Variants in ABCB5 observed in about 807,000 individuals in gnomAD.
ABCB5 encodes the protein ATP-binding cassette sub-family B member 5.
Under a neutral mutation model 144.2 loss-of-function variants are expected in ABCB5, and 155 were observed. The ratio of observed to expected loss-of-function variants is 1.08; its 90% CI spans 0.94 to 1.23. ABCB5 has a LOEUF of 1.23. ABCB5 is among the 50% of genes most tolerant of loss of function. ABCB5 has a pLI of 0.00. For synonymous variants in ABCB5, 610 were observed against 528.6 expected, an observed-to-expected ratio of 1.15 and a Z score of -2.11; for missense variants, 1,830 against 1,520.8, an observed-to-expected ratio of 1.20 and a Z score of -3.38.
At chr7:20,667,695 GCCCC>G (rs1785245957) in intron 14 of ABCB5, 2 of 125,582 alleles carry the variant, frequency 1.6e-5, no homozygotes, top group Non-Finnish European at 3.1e-5. Context: ...CCCTGCCCCT[GCCCC>G]TGCCCCTGCC....
Position 20,739,046 on chromosome 7 carries a change from A to G in ABCB5, c.2931A>G (p.Glu977=). The change falls in exon 24 of 28, where the codon GAA becomes GAG. Residue 977 remains glutamate (E), a synonymous_variant. Transcript: ENST00000404938. ...AIGETLVLAP[E]YSKAKSGAAH... ...GAGAAACGCTCGTTTTGGCTCCTGA[A>G]TATTCCAAAGCCAAATCGGGGGCTG... 6.2e-7 allele frequency: 1 copy of G among 1,612,620 alleles called. No individual in the cohort carries two copies. The highest frequency in any genetic ancestry group is 1.3e-5 in the African/African-American group (1 of 74,996).
At chr7:20,695,933 G>C (rs551817288) in intron 16 of ABCB5, among the ~76,000 whole-genome samples, 27 of 152,128 alleles carry the variant, frequency 1.8e-4, no homozygotes, top group African/African-American at 6.5e-4. Flanking sequence ...ATTGGTGATG[G>C]TGGGGTGCAA....
At chr7:20,647,458 A>T in intron 9 of ABCB5, 77 bp from the exon 10 acceptor site, 4 of 1,462,498 alleles carry the variant, frequency 2.7e-6, no homozygotes, top group Non-Finnish European at 3.6e-6. Context: ...AGCCTAAACC[A>T]ATAATTATAT....
At chr7:20,682,596 T>C (rs374764928) in intron 15 of ABCB5, among the ~76,000 whole-genome samples, 18 of 151,888 alleles carry the variant, frequency 1.2e-4, no homozygotes, top group African/African-American at 4.1e-4. Context: ...TGGAAAAGAG[T>C]TGGAAAATAA....
At chr7:20,679,650 C>T (rs1785727827) in intron 14 of ABCB5, among the ~76,000 whole-genome samples, 1 of 151,918 alleles carries the variant, frequency 6.6e-6, no homozygotes, top group Non-Finnish European at 1.5e-5. Context: ...GGACAATTCA[C>T]AAGAGAGAAT....
intron 16 of ABCB5, among the ~76,000 whole-genome samples, chr7:20,693,353 A>C (rs74691734): frequency 2.2e-3 from 338 of 152,258 alleles, no homozygotes; most frequent in African/African-American, 7.8e-3. Context: ...GTAACAGAAC[A>C]AGACCCTGTC....
chr7:20,684,030 A>G (rs576303153), intron 15 of ABCB5, among the ~76,000 whole-genome samples: 1 of 152,346 alleles, frequency 6.6e-6, no homozygotes, highest in South Asian at 2.1e-4. Context: ...AACCTTTAAC[A>G]AGAGGGAAAT....
At chr7:20,736,970 A>C (rs916567074) in intron 23 of ABCB5, among the ~76,000 whole-genome samples, 1 of 152,116 alleles carries the variant, frequency 6.6e-6, no homozygotes, top group Non-Finnish European at 1.5e-5. Flanking sequence ...CAGGCGGATC[A>C]CTAGGTCAGC....
At chr7:20,633,839 C>A (rs1784092098) in intron 5 of ABCB5, among the ~76,000 whole-genome samples, 1 of 152,010 alleles carries the variant, frequency 6.6e-6, no homozygotes, top group Non-Finnish European at 1.5e-5. Flanking sequence ...TATGCCCTGT[C>A]CAATATTTTA....
Position 20,659,276 on chromosome 7 carries a change from G to C in ABCB5, c.1707+600G>C, listed in dbSNP as rs756104470. The C allele has an allele frequency of 2.0e-6, 3 of 1,473,658 alleles. No individual in the cohort carries two copies. The African/African-American group carries it at 4.2e-5, about 21-fold the overall frequency. The allele number at this position is 1,473,658 out of a possible 1,614,324, so 91.3% of individuals were successfully genotyped here. On this transcript the variant is annotated intron_variant, in intron 14 of 27. Coordinates refer to ENST00000404938, the MANE Select transcript of ABCB5 (RefSeq NM_001163941.2). ...GGAGGGGAGTTGGCAGTGGCGGTAT[G>C]AAAAACCATTGAACAGTTTTCTCGA...
At position 20,711,402 on chromosome 7, in the gene ABCB5, T is replaced by C. The variant is rs948317860; in HGVS notation, c.2421+6595T>C. Among the ~76,000 whole-genome samples, 36 of 149,624 alleles carry C rather than the reference T, an allele frequency of 2.4e-4. 2 individuals carry two copies. The highest frequency in any genetic ancestry group is 4.5e-4 in the Non-Finnish European group (30 of 67,374). ...AGTCTTTATTTCACCTTAATTTTTT[T>C]GAAATATATTTCCACCAGTTATGAA... On this transcript the variant is annotated intron_variant, in intron 20 of 27. Transcript: ENST00000404938.
intron 20 of ABCB5, among the ~76,000 whole-genome samples, chr7:20,715,797 G>A (rs1464831138): frequency 6.7e-6 from 1 of 150,178 alleles, no homozygotes; most frequent in African/African-American, 2.5e-5. Flanking sequence ...TCATCTCACT[G>A]CAACCTCCGC....
Position 20,742,939 on chromosome 7 carries a change from T to C in ABCB5, c.3087T>C (p.Asp1029=). ...CTTTCTTCTATCCATGTCGCCCAGA[T>C]GTTTTCATCCTCCGTGGCTTATCCC... The part of the protein sequence containing the change: ...EVSFFYPCRP[D]VFILRGLSLS... Residue 1029 remains aspartate, a synonymous_variant, in exon 25 of 28, where the codon GAT becomes GAC. Coordinates refer to ENST00000404938, the MANE Select transcript of ABCB5 (RefSeq NM_001163941.2). The C allele has an allele frequency of 6.2e-7, 1 of 1,614,186 alleles. No homozygotes were observed. Among genetic ancestry groups the C allele is most frequent in the South Asian group, 1.1e-5 (1 of 91,082 alleles).
chr7:20,647,753 A>G, intron 10 of ABCB5, 105 bp downstream of exon 10: 1 of 1,477,550 alleles, frequency 6.8e-7, no homozygotes, highest in East Asian at 2.5e-5. Flanking sequence ...GACAAATTTA[A>G]TGTTGGCCAG....
rs1233724807 is a variant in ABCB5, at chr7:20,642,100, G to A, written c.315-1084G>A. Among the ~76,000 whole-genome samples the A allele has an allele frequency of 2.6e-5, 4 of 152,146 alleles. No individual in the cohort carries two copies. In the East Asian group the frequency reaches 7.7e-4, roughly 29 times the overall value. Reference sequence around the variant, plus strand: ...TCTGCTTTCATCCGTTCTCCACAGAGAAGCTGGAGTGGTCTTTTAAAAAGT... The same window carrying A: ...TCTGCTTTCATCCGTTCTCCACAGAAAAGCTGGAGTGGTCTTTTAAAAAGT... On this transcript the variant is annotated intron_variant, in intron 5 of 27. Coordinates refer to ENST00000404938, the MANE Select transcript of ABCB5 (RefSeq NM_001163941.2).
chr7:20,736,191 G>A (rs1782373395), intron 23 of ABCB5, among the ~76,000 whole-genome samples: 2 of 152,078 alleles, frequency 1.3e-5, no homozygotes, highest in African/African-American at 4.8e-5. Context: ...ACAGAAGTGT[G>A]AGAGCTTTTT....
intron 5 of ABCB5, 34 bp from the exon 6 acceptor site, chr7:20,643,150 G>T: frequency 6.5e-7 from 1 of 1,537,282 alleles, no homozygotes; most frequent in South Asian, 1.2e-5. Context: ...AAAATGTTGT[G>T]CTTCAGTCTC....
intron 14 of ABCB5, among the ~76,000 whole-genome samples, chr7:20,673,933 A>G (rs1785528258): frequency 6.6e-6 from 1 of 151,890 alleles, no homozygotes; most frequent in East Asian, 1.9e-4. Flanking sequence ...TAGAACTTTG[A>G]TATTTCAGTG....
Position 20,671,169 on chromosome 7 carries a change from T to C in ABCB5, c.1708-10336T>C, listed in dbSNP as rs369114854. Among the ~76,000 whole-genome samples the C allele has an allele frequency of 2.0e-5, 3 of 152,322 alleles. No homozygotes were observed. In the East Asian group the frequency reaches 5.8e-4, roughly 29 times the overall value. ...CGAAATCTGCCTGTCTGCAACTCTA[T>C]ATCACAGTTGTCCCCAATCTACTTT... On this transcript the variant is annotated intron_variant, in intron 14 of 27. Transcript: ENST00000404938.
Sources: gnomAD v4.1 joint callset for allele counts (sites outside exome capture counted in the v4.1 genomes callset) on GRCh38, gnomAD v4.1.1 for gene constraint, MANE v1.5 for transcripts, NCBI Gene and HGNC (gene_info 2026-07-23, HGNC 2026-07-21) for gene names.